Variants in C19orf18 observed in about 807,000 individuals in gnomAD.
C19orf18 encodes chromosome 19 open reading frame 18, also known as uncharacterized protein C19orf18.
Under a neutral mutation model 23.3 loss-of-function variants are expected in C19orf18, and 21 were observed. The ratio of observed to expected loss-of-function variants is 0.90; its 90% confidence interval spans 0.64 to 1.30. The LOEUF is 1.30. C19orf18 is among the 50% of genes most tolerant of loss of function. The probability of loss-of-function intolerance (pLI) is 0.00; values close to 1 mark genes in which losing one functional copy is unlikely to be tolerated. For missense variants in C19orf18, 249 were observed against 259.6 expected (o/e 0.96, Z 0.28); for synonymous variants, 96 against 95.2 (o/e 1.01, Z -0.05).
At chr19:57,960,985 C>A (rs1273481076) in intron 5 of C19orf18, among the ~76,000 whole-genome samples, 1 of 152,152 alleles carries the variant, frequency 6.6e-6, no homozygotes, top group Non-Finnish European at 1.5e-5. Flanking sequence ...CGAGACCATC[C>A]TGGCACCCGA....
At chr19:57,967,753 A>G (rs1407921223) in intron 3 of C19orf18, among the ~76,000 whole-genome samples, 1 of 144,458 alleles carries the variant, frequency 6.9e-6, no homozygotes, top group Admixed American at 7.0e-5. Context: ...ACCCTGTCTT[A>G]AAAAAAAAAA....
At chr19:57,961,968 TTCTC>T (rs753422005) in intron 4 of C19orf18, among the ~76,000 whole-genome samples, 10 of 150,096 alleles carry the variant, frequency 6.7e-5, no homozygotes, top group South Asian at 2.1e-4. Flanking sequence ...TTCTTTCCCT[TTCTC>T]TCTCTCTCTC....
chr19:57,967,783 G>C (rs1352954183), intron 3 of C19orf18, among the ~76,000 whole-genome samples: 1 of 151,044 alleles, frequency 6.6e-6, no homozygotes, highest in Non-Finnish European at 1.5e-5. Context: ...GGCAAGGCAG[G>C]TGGATCAGGA....
At chr19:57,973,354 C>T (rs1019899744) in intron 2 of C19orf18, among the ~76,000 whole-genome samples, 3 of 151,710 alleles carry the variant, frequency 2.0e-5, no homozygotes, top group Non-Finnish European at 4.4e-5. Flanking sequence ...CAAAGATTGT[C>T]GGGGTTGGTT....
At chr19:57,972,601 C>T (rs564972784) in intron 2 of C19orf18, 97 bp from the exon 3 acceptor site, 179 of 1,320,388 alleles carry the variant, frequency 1.4e-4, no homozygotes, top group Non-Finnish European at 1.5e-4. Context: ...TAGAGAAGGA[C>T]GCCGAACACA....
chr19:57,960,222 C>T (rs1423500826), intron 5 of C19orf18, among the ~76,000 whole-genome samples: 1 of 151,794 alleles, frequency 6.6e-6, no homozygotes, highest in East Asian at 1.9e-4. Flanking sequence ...GTCAGGAGAT[C>T]GAGACCATCC....
At chr19:57,964,085 CGTTTTG>C (rs1210602229) in intron 4 of C19orf18, among the ~76,000 whole-genome samples, 1 of 151,742 alleles carries the variant, frequency 6.6e-6, no homozygotes, top group Non-Finnish European at 1.5e-5. Context: ...TGTTTGTTTT[CGTTTTG>C]GTTTTGGTTT....
chr19:57,966,567 C>A lies in C19orf18; in HGVS notation c.334G>T (p.Ala112Ser), dbSNP rs955499380. 6.2e-6 allele frequency: 10 copies of A among 1,612,630 alleles called. No homozygotes were observed. The highest frequency in any genetic ancestry group is 8.5e-6 in the Non-Finnish European group (10 of 1,178,950). Residue 112 changes from alanine to serine, a missense_variant, in exon 4 of 6, where the codon GCC (alanine) becomes TCC (serine). Ala to Ser is a moderately conservative substitution (Grantham distance 99). Transcript: ENST00000314391. Reference protein sequence around the residue: ...ILISSVAFSIALICGMAISYM... With the variant: ...ILISSVAFSISLICGMAISYM... ...GAGATTGCCATCCCACATATCAGGG[C>A]AATGCTGAAGGCTACGCTCGAAATT...
chr19:57,974,376 T>C lies in C19orf18; in HGVS notation c.57A>G (p.Gln19=), dbSNP rs766788492. The change falls in exon 1 of 6, where the codon CAA becomes CAG. Residue 19 remains glutamine (Q), a synonymous_variant. Transcript: ENST00000314391. The part of the protein sequence containing the change: ...LILFLFLMEC[Q]LHLCLPYADG... Reference sequence around the variant, plus strand: ...CTGCATACGGCAAGCATAAATGAAGTTGGCATTCCATTAAAAACAAAAACA... The same window carrying C: ...CTGCATACGGCAAGCATAAATGAAGCTGGCATTCCATTAAAAACAAAAACA... The C allele has an allele frequency of 4.3e-6, 7 of 1,613,976 alleles. No individual in the cohort carries two copies. The highest frequency in any genetic ancestry group is 1.7e-5 in the Admixed American group (1 of 59,994).
intron 3 of C19orf18, among the ~76,000 whole-genome samples, chr19:57,967,778 G>C (rs1225329157): frequency 1.3e-5 from 2 of 150,506 alleles, no homozygotes; most frequent in African/African-American, 4.9e-5. Context: ...TGGGAGGCAA[G>C]GCAGGTGGAT....
intron 4 of C19orf18, among the ~76,000 whole-genome samples, chr19:57,965,708 C>G (rs1398259803): frequency 6.6e-6 from 1 of 152,052 alleles, no homozygotes; most frequent in Non-Finnish European, 1.5e-5. Context: ...AGATCCATAC[C>G]ATTACACTCT....
At chr19:57,963,877 A>C (rs539543764) in intron 4 of C19orf18, among the ~76,000 whole-genome samples, 1 of 152,094 alleles carries the variant, frequency 6.6e-6, no homozygotes, top group African/African-American at 2.4e-5. Flanking sequence ...GCAACAGAGC[A>C]AGACTCCGTC....
intron 3 of C19orf18, among the ~76,000 whole-genome samples, chr19:57,969,915 T>C (rs912493846): frequency 1.3e-5 from 2 of 151,860 alleles, no homozygotes; most frequent in African/African-American, 4.8e-5. Flanking sequence ...ATTGTTTTTA[T>C]GAGAACTGTC....
chr19:57,958,835 G>A, intron 5 of C19orf18, 118 bp from the exon 6 acceptor site: 7 of 542,246 alleles, frequency 1.3e-5, no homozygotes, highest in Non-Finnish European at 2.2e-5. Flanking sequence ...ATTTTCAGAG[G>A]ATTCATAATG....
chr19:57,966,433 T>C (rs765809653), intron 4 of C19orf18, 97 bp downstream of exon 4: 1 of 785,164 alleles, frequency 1.3e-6, no homozygotes, highest in Non-Finnish European at 2.0e-6. Context: ...TTAGCAATTA[T>C]AAGATGTATC....
At chr19:57,973,735 A>AG (rs1352315868) in intron 2 of C19orf18, among the ~76,000 whole-genome samples, 130 of 151,912 alleles carry the variant, frequency 8.6e-4, no homozygotes, top group African/African-American at 3.1e-3. Context: ...AAAAAAAAAA[A>AG]AAAGAAAAAA....
intron 2 of C19orf18, 145 bp from the exon 3 acceptor site, chr19:57,972,649 T>C: frequency 2.3e-6 from 2 of 851,562 alleles, no homozygotes; most frequent in Middle Eastern, 3.0e-4. Context: ...TGTTAATACA[T>C]TCCTCCCAAT....
At chr19:57,960,937 T>C (rs556938032) in intron 5 of C19orf18, among the ~76,000 whole-genome samples, 4 of 152,206 alleles carry the variant, frequency 2.6e-5, no homozygotes, top group African/African-American at 7.2e-5. Flanking sequence ...CCCAGCACTT[T>C]GGGAGGCCGA....
At chr19:57,968,476 G>A (rs11670102) in intron 3 of C19orf18, among the ~76,000 whole-genome samples, 32,457 of 151,998 alleles carry the variant, frequency 0.21, 4,179 homozygotes, top group African/African-American at 0.37. Context: ...GACAGAGAAA[G>A]GAGGTGTGAT....
Sources: gnomAD v4.1 joint callset for allele counts (sites outside exome capture counted in the v4.1 genomes callset) on GRCh38, gnomAD v4.1.1 for gene constraint, MANE v1.5 for transcripts, NCBI Gene and HGNC (gene_info 2026-07-23, HGNC 2026-07-21) for gene names.